The following BRD1 variants were observed in gnomAD, a reference collection of about 807,000 sequenced individuals.
The protein encoded by BRD1 is bromodomain containing 1, also known as bromodomain-containing protein 1.
BRD1 carries 24 observed loss-of-function variants against 107.7 expected under a neutral mutation model. The ratio of observed to expected loss-of-function variants is 0.22; its 90% CI spans 0.16 to 0.31. The LOEUF (loss-of-function observed/expected upper bound fraction) is 0.31, where lower values mean the gene tolerates loss of function less well. BRD1 is among the 10% of genes least tolerant of loss of function. The pLI, the probability that BRD1 is intolerant of heterozygous loss-of-function variation, is 1.00. For missense variants in BRD1, 1,279 were observed against 1,638.6 expected, an observed-to-expected ratio of 0.78 and a Z score of 3.79; for synonymous variants, 744 against 686.1, an observed-to-expected ratio of 1.08 and a Z score of -1.32.
At chr22:49,818,745 G>GT (rs753348907) in intron 2 of BRD1, among the ~76,000 whole-genome samples, 1 of 151,836 alleles carries the variant, frequency 6.6e-6, no homozygotes, top group Non-Finnish European at 1.5e-5. Context: ...AAATTAGCAG[G>GT]TGTGGTGGTG....
In BRD1 at chr22:49,803,119, T is replaced by C. The variant is rs1272385098; in HGVS notation, c.1524+1085A>G. Among the ~76,000 whole-genome samples, 3 of 152,168 alleles carry C rather than the reference T, an allele frequency of 2.0e-5. No homozygotes were observed. Among genetic ancestry groups the C allele is most frequent in the African/African-American group, 7.2e-5 (3 of 41,440 alleles). ...CAAATCAGACCCACAAACCACCACC[T>C]GCCAGACCAGAGCACCAGACTCTGT... On this transcript the variant is annotated intron_variant, in intron 3 of 12. Coordinates refer to ENST00000404760, the MANE Select transcript of BRD1 (RefSeq NM_001304808.3). The surrounding 1 kb of genome is among the most constrained non-coding windows in gnomAD (Gnocchi z 4.4).
Position 49,790,184 on chromosome 22 carries a change from C to T in BRD1, c.2360-2297G>A, listed in dbSNP as rs568847550. 6.1e-4 allele frequency among the ~76,000 whole-genome samples: 93 copies of T among 152,326 alleles called. 1 individual carries two copies. Among genetic ancestry groups the T allele is most frequent in the African/African-American group, 2.1e-3 (89 of 41,568 alleles). ...GGACCACACAGGCCCCTCCCCCAGC[C>T]GGGACCACAGAGGCCCCCGGACCGT... is the stretch of plus-strand genomic sequence containing the variant. On this transcript the variant is annotated intron_variant, in intron 7 of 12. Coordinates refer to ENST00000404760, the MANE Select transcript of BRD1 (RefSeq NM_001304808.3).
At position 49,803,250 on chromosome 22, in the gene BRD1, C is replaced by T. The variant is rs865821337; in HGVS notation, c.1524+954G>A. On this transcript the variant is annotated intron_variant, in intron 3 of 12. Transcript: ENST00000404760. This position sits in a 1 kb window ranked among gnomAD's most constrained non-coding sequence, Gnocchi z 4.4. ...CAGCACCGGCCACCGCACCACCGCA[C>T]GGGGACCCAACCGTGAACCCTGTAG... Among the ~76,000 whole-genome samples, 2 of 152,332 alleles carry T rather than the reference C, an allele frequency of 1.3e-5. No homozygotes were observed. The highest frequency in any genetic ancestry group is 2.1e-4 in the South Asian group (1 of 4,824).
chr22:49,790,981 C>T (rs2059423582), intron 7 of BRD1, among the ~76,000 whole-genome samples: 1 of 152,264 alleles, frequency 6.6e-6, no homozygotes, highest in Non-Finnish European at 1.5e-5. Context: ...ACTCGAAATG[C>T]AAGCCCCTTT....
intron 2 of BRD1, among the ~76,000 whole-genome samples, chr22:49,813,923 G>C (rs1431780348): frequency 6.6e-6 from 1 of 152,114 alleles, no homozygotes; most frequent in African/African-American, 2.4e-5. Flanking sequence ...AGCAGACCCA[G>C]CATGCACATG....
chr22:49,797,480 A>T (rs1406284368), intron 6 of BRD1, among the ~76,000 whole-genome samples: 1 of 152,220 alleles, frequency 6.6e-6, no homozygotes, highest in Non-Finnish European at 1.5e-5. Context: ...AAACGCAGCC[A>T]GTCTGAAGTG....
At chr22:49,793,762 TAA>T (rs2059477447) in intron 7 of BRD1, among the ~76,000 whole-genome samples, 1 of 152,238 alleles carries the variant, frequency 6.6e-6, no homozygotes, top group African/African-American at 2.4e-5. Flanking sequence ...AGGCCCAAGT[TAA>T]AGAGAAAAAT....
chr22:49,793,484 TGCAGAGGA>T (rs1209938874), intron 7 of BRD1, among the ~76,000 whole-genome samples: 2 of 152,208 alleles, frequency 1.3e-5, no homozygotes, highest in Non-Finnish European at 2.9e-5. Context: ...CTACCAACTC[TGCAGAGGA>T]GCTGGCCGGG....
rs777224262 is a variant in BRD1, at chr22:49,794,305, G to A, written c.2099-11C>T. 3.1e-6 allele frequency: 5 copies of A among 1,599,654 alleles called. No individual in the cohort carries two copies. Among genetic ancestry groups the A allele is most frequent in the Non-Finnish European group, 4.3e-6 (5 of 1,170,760 alleles). Reference sequence around the variant, plus strand: ...CCAGCAACCTGTCCACTGAACCAAAGGACACATGCTGTCAGTCATCAGGTC... The same window carrying A: ...CCAGCAACCTGTCCACTGAACCAAAAGACACATGCTGTCAGTCATCAGGTC... On this transcript the variant is annotated splice_polypyrimidine_tract_variant and intron_variant, in intron 6 of 12. Transcript: ENST00000404760.
Position 49,804,354 on chromosome 22 carries a change from A to G in BRD1, c.1374T>C (p.Asn458=), listed in dbSNP as rs973708710. The change falls in exon 3 of 13, where the codon AAT becomes AAC. Residue 458 remains asparagine, a synonymous_variant. Transcript: ENST00000404760. The stretch of plus-strand genomic sequence containing the variant: ...GAATGGCCACCTGATTCGCAATCCT[A>G]TTTAACCTAAAACACAAACACTCAG... ...CAPYIPPQRL[N]RIANQVAIQR... is the part of the protein sequence containing the mutation. The G allele has an allele frequency of 2.5e-6, 4 of 1,604,314 alleles. No individual in the cohort carries two copies. The African/African-American group carries it at 4.0e-5, about 16-fold the overall frequency.
chr22:49,784,905 GGA>G (rs1401033382), intron 8 of BRD1, among the ~76,000 whole-genome samples: 3 of 152,192 alleles, frequency 2.0e-5, no homozygotes, highest in African/African-American at 4.8e-5. Context: ...CGGCTGCTCA[GGA>G]GAGAGCTCAG....
At chr22:49,808,354 G>A (rs965895821) in intron 2 of BRD1, among the ~76,000 whole-genome samples, 1 of 152,240 alleles carries the variant, frequency 6.6e-6, no homozygotes, top group African/African-American at 2.4e-5. Context: ...AAAAGGCAAG[G>A]AAGTTCCAAT....
At chr22:49,774,503 C>A (rs1397924516) in intron 12 of BRD1, 87 bp from the exon 13 acceptor site, 2 of 1,414,164 alleles carry the variant, frequency 1.4e-6, no homozygotes, top group African/African-American at 2.8e-5. Flanking sequence ...AAATTCACTG[C>A]CCTCCGATAG....
chr22:49,801,378 G>A lies in BRD1; in HGVS notation c.1525-2259C>T, dbSNP rs189982371. Among the ~76,000 whole-genome samples the A allele has an allele frequency of 8.3e-3, 1,267 of 152,280 alleles. 15 individuals are homozygous for A. Among genetic ancestry groups the A allele is most frequent in the African/African-American group, 0.029 (1,207 of 41,534 alleles). On this transcript the variant is annotated intron_variant, in intron 3 of 12. Transcript: ENST00000404760. ...GCCTGCTGGCCTCTCAAGAGACCCC[G>A]TCCAGTTCATCCACCTGCCCCCACC...
intron 2 of BRD1, among the ~76,000 whole-genome samples, chr22:49,818,042 G>C (rs61418973): frequency 6.6e-6 from 1 of 152,198 alleles, no homozygotes; most frequent in East Asian, 1.9e-4. Context: ...TTTAAAGTTC[G>C]CCACGTATTT....
At chr22:49,787,932 T>C in intron 7 of BRD1, 45 bp from the exon 8 acceptor site, 1 of 1,415,016 alleles carries the variant, frequency 7.1e-7, no homozygotes, top group African/African-American at 1.5e-5. Context: ...CTGAAGATTA[T>C]AAAATCTATT....
At chr22:49,825,854 T>C (rs1375640124) in intron 1 of BRD1, 1 of 152,270 alleles carries the variant, frequency 6.6e-6, no homozygotes, top group Non-Finnish European at 1.5e-5. Context: ...CTGGGTATCT[T>C]TCTCTGTATC....
intron 6 of BRD1, 122 bp from the exon 7 acceptor site, chr22:49,794,416 G>T: frequency 7.6e-7 from 1 of 1,316,568 alleles, no homozygotes. Flanking sequence ...TAGCAACGAG[G>T]CCCAGGCCCT....
chr22:49,790,776 G>T (rs1272408664), intron 7 of BRD1, among the ~76,000 whole-genome samples: 1 of 152,188 alleles, frequency 6.6e-6, no homozygotes, highest in Non-Finnish European at 1.5e-5. Flanking sequence ...GGACAAAGCT[G>T]CGTACTCCGC....
Sources: gnomAD v4.1 joint callset for allele counts (sites outside exome capture counted in the v4.1 genomes callset) on GRCh38, gnomAD v4.1.1 for gene constraint, Gnocchi (gnomAD v3.1) non-coding constraint, MANE v1.5 for transcripts, NCBI Gene and HGNC (gene_info 2026-07-23, HGNC 2026-07-21) for gene names.